MSRA: variants seen among roughly 807,000 people sequenced by gnomAD.
MSRA encodes the protein mitochondrial peptide methionine sulfoxide reductase.
Under a neutral mutation model 31.3 loss-of-function variants are expected in MSRA, and 54 were observed. The observed-to-expected ratio is 1.73, with a 90% CI of 1.39 to 2.17. The LOEUF (loss-of-function observed/expected upper bound fraction) is 2.17, where lower values mean the gene tolerates loss of function less well. MSRA is among the 30% of genes most tolerant of loss of function. MSRA has a pLI of 0.00. For missense variants in MSRA, 507 were observed against 300.9 expected (o/e 1.69, Z -5.07); for synonymous variants, 169 against 116.5 (o/e 1.45, Z -2.90).
At chr8:10,150,953 C>T (rs1803611624) in intron 1 of MSRA, among the ~76,000 whole-genome samples, 1 of 151,910 alleles carries the variant, frequency 6.6e-6, no homozygotes, top group Non-Finnish European at 1.5e-5. Flanking sequence ...CCCTGGACAC[C>T]ACTGGTGGTA....
chr8:10,322,630 G>A (rs1319342432), intron 5 of MSRA, among the ~76,000 whole-genome samples: 2 of 152,184 alleles, frequency 1.3e-5, no homozygotes, highest in Non-Finnish European at 2.9e-5. Context: ...GCCTTGCAGG[G>A]AGGATTGTTA....
rs10103308 is a variant in MSRA at position 10,179,368 on chromosome 8, A to C, written c.143-28465A>C. On this transcript the variant is annotated intron_variant, in intron 1 of 5. Coordinates refer to ENST00000317173, the MANE Select transcript of MSRA (RefSeq NM_012331.5). ...TTGGGCTGTAAGGGTTGGTGTCTTC[A>C]TCTTTCCAGTAAAGGGGTGGGACTG... is the stretch of plus-strand genomic sequence containing the variant. 1.6e-4 allele frequency among the ~76,000 whole-genome samples: 25 copies of C among 152,190 alleles called. 1 individual carries two copies. The highest frequency in any genetic ancestry group is 6.0e-4 in the African/African-American group (25 of 41,456).
At chr8:10,081,432 T>A (rs1328836706) in intron 1 of MSRA, among the ~76,000 whole-genome samples, 1 of 152,208 alleles carries the variant, frequency 6.6e-6, no homozygotes, top group Non-Finnish European at 1.5e-5. Context: ...TCATGATTAC[T>A]TCCGCCTCAA....
chr8:10,221,430 A>G (rs181526374), intron 2 of MSRA, among the ~76,000 whole-genome samples: 1 of 139,508 alleles, frequency 7.2e-6, no homozygotes, highest in African/African-American at 2.5e-5. Flanking sequence ...ATATATGTAT[A>G]TATGTGTATA....
At chr8:10,056,198 CAAAAAAAAAAAAA>C (rs35457688) in intron 1 of MSRA, among the ~76,000 whole-genome samples, 1 of 91,018 alleles carries the variant, frequency 1.1e-5, no homozygotes, top group African/African-American at 4.4e-5. Flanking sequence ...TCCCATACAC[CAAAAAAAAAAAAA>C]AAAAAAAAAA....
At chr8:10,368,113 G>A (rs1260660192) in intron 5 of MSRA, among the ~76,000 whole-genome samples, 1 of 152,204 alleles carries the variant, frequency 6.6e-6, no homozygotes, top group African/African-American at 2.4e-5. Context: ...CATGAGTCAT[G>A]AAGCCATGGA....
At chr8:10,382,820 G>C (rs1284095921) in intron 5 of MSRA, among the ~76,000 whole-genome samples, 1 of 152,214 alleles carries the variant, frequency 6.6e-6, no homozygotes, top group Non-Finnish European at 1.5e-5. Flanking sequence ...ACTAGCTGGT[G>C]TTGCAGCTTG....
chr8:10,253,918 G>T (rs1026566565), intron 3 of MSRA, among the ~76,000 whole-genome samples: 1 of 152,002 alleles, frequency 6.6e-6, no homozygotes, highest in Non-Finnish European at 1.5e-5. Flanking sequence ...TCTGCCAAGT[G>T]AAAATTGCAA....
At chr8:10,126,909 C>T (rs1801543713) in intron 1 of MSRA, among the ~76,000 whole-genome samples, 1 of 152,220 alleles carries the variant, frequency 6.6e-6, no homozygotes, top group African/African-American at 2.4e-5. Flanking sequence ...GCTGCTACTG[C>T]TCTGTTAGGA....
At chr8:10,394,732 G>T (rs1440387658) in intron 5 of MSRA, among the ~76,000 whole-genome samples, 4 of 152,248 alleles carry the variant, frequency 2.6e-5, no homozygotes, top group African/African-American at 9.6e-5. Flanking sequence ...CCAGCAGATT[G>T]TATCAGCTGC....
intron 2 of MSRA, among the ~76,000 whole-genome samples, chr8:10,225,211 C>G (rs1285675640): frequency 6.6e-6 from 1 of 152,230 alleles, no homozygotes; most frequent in Non-Finnish European, 1.5e-5. Flanking sequence ...TCATCCCTTA[C>G]TCTAACCACT....
At chr8:10,171,459 C>T (rs1404542841) in intron 1 of MSRA, among the ~76,000 whole-genome samples, 1 of 151,756 alleles carries the variant, frequency 6.6e-6, no homozygotes, top group African/African-American at 2.4e-5. Flanking sequence ...CAAATTTTCA[C>T]CTTTTAGTTT....
At chr8:10,138,644 GA>G (rs560917607) in intron 1 of MSRA, among the ~76,000 whole-genome samples, 78 of 152,256 alleles carry the variant, frequency 5.1e-4, no homozygotes, top group Non-Finnish European at 1.0e-3. Flanking sequence ...TTTGCATTTT[GA>G]ATGGAATAGA....
intron 5 of MSRA, among the ~76,000 whole-genome samples, chr8:10,413,307 G>A (rs189648018): frequency 2.7e-4 from 41 of 152,224 alleles, no homozygotes; most frequent in East Asian, 1.2e-3. Context: ...CTAACCATTC[G>A]GTGATAATTA....
At chr8:10,282,904 T>G (rs1345960393) in intron 3 of MSRA, among the ~76,000 whole-genome samples, 1 of 152,182 alleles carries the variant, frequency 6.6e-6, no homozygotes, top group Non-Finnish European at 1.5e-5. Flanking sequence ...GATTTGCATG[T>G]AATTAGCCTC....
chr8:10,067,533 C>A (rs901811445), intron 1 of MSRA, among the ~76,000 whole-genome samples: 5 of 152,162 alleles, frequency 3.3e-5, no homozygotes, highest in African/African-American at 1.2e-4. Context: ...GTTTTCAACT[C>A]ATTTGGGTAA....
intron 5 of MSRA, among the ~76,000 whole-genome samples, chr8:10,426,968 A>G (rs377495266): frequency 2.9e-4 from 2 of 6,888 alleles, no homozygotes; most frequent in African/African-American, 4.8e-4. Context: ...GTCGTTCCGG[A>G]CCTGCTGGGC....
chr8:10,204,236 G>A (rs558160587), intron 1 of MSRA, among the ~76,000 whole-genome samples: 1 of 152,170 alleles, frequency 6.6e-6, no homozygotes, highest in Non-Finnish European at 1.5e-5. Context: ...GGTTAATTTA[G>A]TATTGAAGAA....
At chr8:10,251,777 G>C (rs879528507) in intron 3 of MSRA, among the ~76,000 whole-genome samples, 10 of 151,114 alleles carry the variant, frequency 6.6e-5, no homozygotes, top group Admixed American at 1.3e-4. Flanking sequence ...AAAACAGCTG[G>C]TTTTGTTTAT....
Sources: gnomAD v4.1 joint callset for allele counts (sites outside exome capture counted in the v4.1 genomes callset) on GRCh38, gnomAD v4.1.1 for gene constraint, MANE v1.5 for transcripts, NCBI Gene and HGNC (gene_info 2026-07-23, HGNC 2026-07-21) for gene names.